Variants in CAMK1D observed in about 807,000 individuals in gnomAD.
CAMK1D encodes calcium/calmodulin dependent protein kinase ID.
A neutral mutation model predicts 47.7 loss-of-function variants in CAMK1D; 9 were observed. That is an observed-to-expected ratio of 0.19 (90% CI 0.11 to 0.33). The LOEUF is 0.33. Among genes scored for constraint, CAMK1D ranks in the 10% least tolerant of loss-of-function variants. CAMK1D has a pLI of 1.00. For missense variants in CAMK1D, 291 were observed against 488.7 expected (o/e 0.60, Z 3.81); for synonymous variants, 184 against 184.9 (o/e 0.99, Z 0.04).
chr10:12,428,074 T>C lies in CAMK1D; in HGVS notation c.92+78164T>C, dbSNP rs1051377093. Among the ~76,000 whole-genome samples, 32 of 152,080 alleles carry C rather than the reference T, an allele frequency of 2.1e-4. 1 individual carries two copies. Among genetic ancestry groups the C allele is most frequent in the African/African-American group, 7.7e-4 (32 of 41,392 alleles). ...GGGATACATGTGCAGAATGTGCAGG[T>C]TTGTTACATAGGTATTCACATGCCA... On this transcript the variant is annotated intron_variant, in intron 1 of 10. Coordinates refer to ENST00000619168, the MANE Select transcript of CAMK1D (RefSeq NM_153498.4).
intron 6 of CAMK1D, among the ~76,000 whole-genome samples, chr10:12,804,193 T>G (rs2131044977): frequency 6.6e-6 from 1 of 152,374 alleles, no homozygotes; most frequent in South Asian, 2.1e-4. Flanking sequence ...TTTTCCTTTT[T>G]CAGGGTAAAC....
chr10:12,693,703 G>GTAATATTT (rs1425106202), intron 3 of CAMK1D, among the ~76,000 whole-genome samples: 2 of 150,564 alleles, frequency 1.3e-5, no homozygotes. Context: ...ACACAAAACT[G>GTAATATTT]TAATATTTCC....
chr10:12,567,452 A>G (rs915276734), intron 2 of CAMK1D, among the ~76,000 whole-genome samples: 11 of 152,182 alleles, frequency 7.2e-5, no homozygotes, highest in African/African-American at 2.7e-4. Flanking sequence ...GCTGAAAACC[A>G]TCTAGAGACG....
intron 2 of CAMK1D, among the ~76,000 whole-genome samples, chr10:12,612,220 G>A (rs571528089): frequency 2.5e-4 from 38 of 152,256 alleles, no homozygotes. Flanking sequence ...GCACCTTCAA[G>A]GGTTGTAGAG....
intron 1 of CAMK1D, among the ~76,000 whole-genome samples, chr10:12,459,740 A>T (rs954688479): frequency 6.6e-6 from 1 of 152,234 alleles, no homozygotes; most frequent in Non-Finnish European, 1.5e-5. Flanking sequence ...GGTTATTTTT[A>T]AAATTTTTAC....
In CAMK1D at chr10:12,770,876, T is replaced by C. The variant is rs1219157506; in HGVS notation, c.565+1077T>C. On this transcript the variant is annotated intron_variant, in intron 5 of 10. Transcript: ENST00000619168. ...CTGAGAGCAAGAAAAAAGATGAGGT[T>C]GGAAAAGAGTTATGGAAAATGAAGT... 2.0e-5 allele frequency among the ~76,000 whole-genome samples: 3 copies of C among 148,514 alleles called. No homozygotes were observed. In the Admixed American group the frequency reaches 2.0e-4, roughly 10 times the overall value.
chr10:12,417,231 T>A (rs183082900), intron 1 of CAMK1D, among the ~76,000 whole-genome samples: 1 of 152,172 alleles, frequency 6.6e-6, no homozygotes, highest in East Asian at 1.9e-4. Flanking sequence ...ACCTTCTGAG[T>A]CTTCTTCCAT....
intron 3 of CAMK1D, among the ~76,000 whole-genome samples, chr10:12,687,474 A>T (rs975806174): frequency 3.9e-5 from 6 of 152,178 alleles, no homozygotes; most frequent in Non-Finnish European, 7.3e-5. Context: ...CTGTGAGCTG[A>T]CGAGCTCCTA....
At chr10:12,378,176 A>C (rs181084634) in intron 1 of CAMK1D, among the ~76,000 whole-genome samples, 1 of 152,300 alleles carries the variant, frequency 6.6e-6, no homozygotes, top group Admixed American at 6.5e-5. Flanking sequence ...CCAGGGGCCC[A>C]TGTGCAAAGG....
intron 3 of CAMK1D, among the ~76,000 whole-genome samples, chr10:12,684,751 A>T (rs932080463): frequency 6.6e-5 from 10 of 151,454 alleles, no homozygotes; most frequent in African/African-American, 2.4e-4. Context: ...AAACACTAAG[A>T]GAATATATTC....
At chr10:12,680,343 C>G (rs1235947142) in intron 3 of CAMK1D, among the ~76,000 whole-genome samples, 4 of 152,234 alleles carry the variant, frequency 2.6e-5, no homozygotes, top group African/African-American at 9.6e-5. Flanking sequence ...AGCGCCTGGT[C>G]TCTCTGGGTC....
chr10:12,504,493 A>G (rs532193441), intron 1 of CAMK1D, among the ~76,000 whole-genome samples: 1 of 152,260 alleles, frequency 6.6e-6, no homozygotes, highest in Admixed American at 6.5e-5. Flanking sequence ...CCTGGTCCTC[A>G]GTAGATTAGG....
At chr10:12,420,316 T>TGTA (rs898094538) in intron 1 of CAMK1D, among the ~76,000 whole-genome samples, 5 of 152,236 alleles carry the variant, frequency 3.3e-5, no homozygotes, top group African/African-American at 1.2e-4. Context: ...TGGCAGCTGA[T>TGTA]GTAGTAGTAG....
chr10:12,713,687 G>A (rs1019331324), intron 3 of CAMK1D, among the ~76,000 whole-genome samples: 2 of 152,160 alleles, frequency 1.3e-5, no homozygotes, highest in Non-Finnish European at 2.9e-5. Context: ...GGTCAGATGT[G>A]GGGAAGGGCA....
chr10:12,565,892 A>G lies in CAMK1D; in HGVS notation c.224+12536A>G, dbSNP rs117095240. On this transcript the variant is annotated intron_variant, in intron 2 of 10. Coordinates refer to ENST00000619168, the MANE Select transcript of CAMK1D (RefSeq NM_153498.4). ...GGGCCGCTTCTCCTTGATATAGGCAATAGCCCACTCTAGGTAGGAGGTGTT... is the reference window on the plus strand; with the variant it reads ...GGGCCGCTTCTCCTTGATATAGGCAGTAGCCCACTCTAGGTAGGAGGTGTT... Among the ~76,000 whole-genome samples the G allele has an allele frequency of 1.4e-3, 206 of 152,078 alleles. 3 individuals are homozygous for G. In the East Asian group the frequency reaches 0.036, roughly 27 times the overall value.
chr10:12,493,511 T>G (rs1834450164), intron 1 of CAMK1D, among the ~76,000 whole-genome samples: 1 of 152,302 alleles, frequency 6.6e-6, no homozygotes, highest in Non-Finnish European at 1.5e-5. Flanking sequence ...TTTTTTAATT[T>G]GAGACAGAGT....
At chr10:12,393,849 C>T (rs920109891) in intron 1 of CAMK1D, among the ~76,000 whole-genome samples, 21 of 152,180 alleles carry the variant, frequency 1.4e-4, no homozygotes, top group Non-Finnish European at 2.5e-4. Flanking sequence ...TGGCAGCTTA[C>T]GCTCCACACC....
intron 1 of CAMK1D, among the ~76,000 whole-genome samples, chr10:12,487,729 G>A (rs1390822232): frequency 1.3e-5 from 2 of 152,216 alleles, no homozygotes; most frequent in Non-Finnish European, 2.9e-5. Flanking sequence ...GTTCTGAGGA[G>A]TCACTGGGAC....
At chr10:12,693,824 G>A (rs899915425) in intron 3 of CAMK1D, among the ~76,000 whole-genome samples, 6 of 142,634 alleles carry the variant, frequency 4.2e-5, no homozygotes, top group East Asian at 4.0e-4. Context: ...TGGAGGCTAC[G>A]GTGAACTAAG....
Sources: allele counts gnomAD v4.1 joint callset (sites outside exome capture counted in the v4.1 genomes callset), GRCh38; gene constraint gnomAD v4.1.1; transcripts MANE v1.5; gene names NCBI Gene and HGNC (gene_info 2026-07-23, HGNC 2026-07-21).